ZSWIM6: variants seen among roughly 807,000 people sequenced by gnomAD.
The protein encoded by ZSWIM6 is zinc finger SWIM-type containing 6, also known as zinc finger SWIM domain-containing protein 6.
A neutral mutation model predicts 113.2 loss-of-function variants in ZSWIM6; 9 were observed. The ratio of observed to expected loss-of-function variants is 0.08; its 90% confidence interval spans 0.05 to 0.14. The LOEUF (loss-of-function observed/expected upper bound fraction) is 0.14. Ranked by LOEUF, ZSWIM6 falls within the 10% of genes least tolerant of loss-of-function variation. The pLI, the probability that ZSWIM6 is intolerant of heterozygous loss-of-function variation, is 1.00. For missense variants in ZSWIM6, 1,162 were observed against 1,552.2 expected (o/e 0.75, Z 4.22); for synonymous variants, 611 against 606.5 (o/e 1.01, Z -0.11).
chr5:61,410,911 A>G (rs188089677), intron 1 of ZSWIM6, among the ~76,000 whole-genome samples: 20 of 152,296 alleles, frequency 1.3e-4, no homozygotes, highest in Admixed American at 1.2e-3. Flanking sequence ...CTCCAGGGGA[A>G]AATGCTTTTT....
Position 61,472,872 on chromosome 5 carries a change from A to G in ZSWIM6, c.868A>G (p.Lys290Glu). The G allele has an allele frequency of 6.4e-7, 1 of 1,551,722 alleles. No individual in the cohort carries two copies. The highest frequency in any genetic ancestry group is 8.7e-7 in the Non-Finnish European group (1 of 1,146,962). Reference sequence around the variant, plus strand: ...CCGCATCCGCAAGCCAGATCAGGTCAAACTGCATCTTCCTATTTCAGAGAC... The same window carrying G: ...CCGCATCCGCAAGCCAGATCAGGTCGAACTGCATCTTCCTATTTCAGAGAC... ...LYRIRKPDQVKLHLPISETLF... is the reference protein window; with the variant it reads ...LYRIRKPDQVELHLPISETLF... Residue 290 changes from lysine to glutamate, a missense_variant, in exon 2 of 14, where the codon AAA becomes GAA. Physicochemically the swap from Lys to Glu is moderately conservative, Grantham distance 56. Coordinates refer to ENST00000252744, the MANE Select transcript of ZSWIM6 (RefSeq NM_020928.2). This position sits in a 1 kb window ranked among gnomAD's most constrained non-coding sequence, Gnocchi z 4.1.
chr5:61,483,383 T>C (rs1747928524), intron 2 of ZSWIM6, among the ~76,000 whole-genome samples: 1 of 152,114 alleles, frequency 6.6e-6, no homozygotes, highest in South Asian at 2.1e-4. Context: ...ACTGCCACAA[T>C]GGGGTTTAAA....
chr5:61,401,290 A>G (rs1359786655), intron 1 of ZSWIM6, among the ~76,000 whole-genome samples: 1 of 152,166 alleles, frequency 6.6e-6, no homozygotes, highest in Non-Finnish European at 1.5e-5. Flanking sequence ...GAAGGCTTCC[A>G]GTCTTTTTTC....
intron 1 of ZSWIM6, among the ~76,000 whole-genome samples, chr5:61,392,489 C>T (rs1472656884): frequency 6.6e-6 from 1 of 152,184 alleles, no homozygotes; most frequent in African/African-American, 2.4e-5. Flanking sequence ...AGTTGTCACT[C>T]TTAACAGTTT....
chr5:61,359,645 G>T (rs1230040186), intron 1 of ZSWIM6, among the ~76,000 whole-genome samples: 1 of 152,158 alleles, frequency 6.6e-6, no homozygotes, highest in Non-Finnish European at 1.5e-5. Flanking sequence ...TTCAGAATTA[G>T]ATTCTGTTTG....
intron 1 of ZSWIM6, among the ~76,000 whole-genome samples, chr5:61,429,198 C>G (rs1746527739): frequency 1.3e-5 from 2 of 152,180 alleles, no homozygotes; most frequent in Non-Finnish European, 1.5e-5. Flanking sequence ...GCATTGCTCT[C>G]CCCTACAGGG....
intron 1 of ZSWIM6, chr5:61,391,657 A>G: frequency 2.0e-6 from 2 of 994,968 alleles, no homozygotes; most frequent in Admixed American, 3.4e-5. Flanking sequence ...AGCCTCTATC[A>G]CTTCCTTCTT....
intron 1 of ZSWIM6, chr5:61,391,654 A>G: frequency 1.0e-6 from 1 of 993,336 alleles, no homozygotes. Context: ...CACAGCCTCT[A>G]TCACTTCCTT....
chr5:61,538,120 A>G (rs1749629898), intron 10 of ZSWIM6, among the ~76,000 whole-genome samples: 1 of 152,198 alleles, frequency 6.6e-6, no homozygotes, highest in African/African-American at 2.4e-5. Context: ...GGGTTTCGCC[A>G]TGACAGTATA....
chr5:61,377,368 T>G (rs1314065574), intron 1 of ZSWIM6, among the ~76,000 whole-genome samples: 2 of 152,052 alleles, frequency 1.3e-5, no homozygotes, highest in Non-Finnish European at 2.9e-5. Flanking sequence ...ATGAAAGTTT[T>G]TTTTTTCTTG....
At chr5:61,435,775 T>C (rs895658074) in intron 1 of ZSWIM6, among the ~76,000 whole-genome samples, 25 of 152,234 alleles carry the variant, frequency 1.6e-4, no homozygotes, top group African/African-American at 6.0e-4. Flanking sequence ...TAGTTTTAGA[T>C]GACAGAGAGC....
intron 1 of ZSWIM6, among the ~76,000 whole-genome samples, chr5:61,406,148 G>A (rs1405663912): frequency 6.6e-6 from 1 of 152,126 alleles, no homozygotes; most frequent in African/African-American, 2.4e-5. Flanking sequence ...CTTTATGTCT[G>A]CAGGTCTGTG....
intron 1 of ZSWIM6, among the ~76,000 whole-genome samples, chr5:61,445,794 C>A (rs1385251105): frequency 6.6e-6 from 1 of 151,890 alleles, no homozygotes; most frequent in African/African-American, 2.4e-5. Flanking sequence ...GAAAATGAAC[C>A]CCAAATTTTT....
chr5:61,351,748 C>T (rs538853910), intron 1 of ZSWIM6, among the ~76,000 whole-genome samples: 100 of 152,218 alleles, frequency 6.6e-4, no homozygotes, highest in African/African-American at 2.3e-3. Flanking sequence ...ACTGGATTAG[C>T]CATCACATCA....
chr5:61,394,182 G>T (rs887953958), intron 1 of ZSWIM6, among the ~76,000 whole-genome samples: 2 of 152,212 alleles, frequency 1.3e-5, no homozygotes, highest in African/African-American at 4.8e-5. Flanking sequence ...ATGATTAAAA[G>T]AAAATTCCCA....
intron 1 of ZSWIM6, among the ~76,000 whole-genome samples, chr5:61,334,852 A>G (rs1744358292): frequency 6.7e-6 from 1 of 149,594 alleles, no homozygotes; most frequent in Non-Finnish European, 1.5e-5. Context: ...ATAACAAACT[A>G]GAGTCTGCGA....
intron 12 of ZSWIM6, among the ~76,000 whole-genome samples, chr5:61,540,653 GT>G (rs201828862): frequency 6.6e-6 from 1 of 150,644 alleles, no homozygotes. Context: ...GAAGTTTTTT[GT>G]TTTTTTTTAA....
chr5:61,424,103 T>G (rs1212373190), intron 1 of ZSWIM6, among the ~76,000 whole-genome samples: 1 of 152,128 alleles, frequency 6.6e-6, no homozygotes, highest in Non-Finnish European at 1.5e-5. Context: ...ACAAAGACTG[T>G]GAGGAGGAAG....
At chr5:61,431,665 A>G (rs1579993155) in intron 1 of ZSWIM6, among the ~76,000 whole-genome samples, 1 of 108,038 alleles carries the variant, frequency 9.3e-6, no homozygotes, top group African/African-American at 4.0e-5. Flanking sequence ...GAATGGCCTG[A>G]ACTCGGGAGG....
Sources: allele counts gnomAD v4.1 joint callset (sites outside exome capture counted in the v4.1 genomes callset), GRCh38; gene constraint gnomAD v4.1.1; non-coding constraint Gnocchi (gnomAD v3.1); transcripts MANE v1.5; gene names NCBI Gene and HGNC (gene_info 2026-07-23, HGNC 2026-07-21).